PRKG1: variants seen among roughly 807,000 people sequenced by gnomAD.
PRKG1 encodes protein kinase cGMP-dependent 1, also known as cGMP-dependent protein kinase 1.
Under a neutral mutation model 88.1 loss-of-function variants are expected in PRKG1, and 35 were observed. The observed-to-expected ratio is 0.40, with a 90% CI of 0.30 to 0.53. PRKG1 has a LOEUF of 0.53. PRKG1 is among the 20% of genes least tolerant of loss of function. The probability of loss-of-function intolerance (pLI) is 0.59; values close to 1 mark genes in which losing one functional copy is unlikely to be tolerated. For missense variants in PRKG1, 540 were observed against 839.8 expected, an observed-to-expected ratio of 0.64 and a Z score of 4.41; for synonymous variants, 303 against 292.5, an observed-to-expected ratio of 1.04 and a Z score of -0.37.
intron 10 of PRKG1, among the ~76,000 whole-genome samples, chr10:52,258,278 T>C (rs1296492649): frequency 7.2e-6 from 1 of 139,232 alleles, no homozygotes; most frequent in African/African-American, 2.5e-5. Flanking sequence ...TTAAAATAAT[T>C]GGTGATAAAA....
rs186373494 is a variant in PRKG1 at position 51,622,689 on chromosome 10, A to T, written c.592+154853A>T. ...GGCCTTTTCATTAAAATTATACAGC[A>T]TTTTCCTCCCCAGACACTTATAAAC... On this transcript the variant is annotated intron_variant, in intron 3 of 17. Coordinates refer to ENST00000373980, the MANE Select transcript of PRKG1 (RefSeq NM_006258.4). 2.6e-5 allele frequency among the ~76,000 whole-genome samples: 4 copies of T among 152,246 alleles called. No homozygotes were observed. In the East Asian group the frequency reaches 7.7e-4, roughly 29 times the overall value.
At chr10:51,580,273 G>A (rs533048290) in intron 3 of PRKG1, among the ~76,000 whole-genome samples, 1 of 152,192 alleles carries the variant, frequency 6.6e-6, no homozygotes, top group East Asian at 1.9e-4. Flanking sequence ...GTACAATGCA[G>A]TTTGTTGATC....
chr10:51,106,112 A>G (rs1844826453), intron 1 of PRKG1, among the ~76,000 whole-genome samples: 1 of 152,216 alleles, frequency 6.6e-6, no homozygotes, highest in Non-Finnish European at 1.5e-5. Context: ...TAGCTGAGTT[A>G]TTTAATTCTA....
intron 1 of PRKG1, among the ~76,000 whole-genome samples, chr10:51,096,430 A>G (rs1022472916): frequency 2.0e-5 from 3 of 152,210 alleles, no homozygotes; most frequent in African/African-American, 7.2e-5. Flanking sequence ...TTAGTAGACC[A>G]TGGTGTTTTC....
chr10:52,239,606 A>G (rs1041408119), intron 9 of PRKG1, among the ~76,000 whole-genome samples: 1 of 148,274 alleles, frequency 6.7e-6, no homozygotes, highest in African/African-American at 2.5e-5. Context: ...TCAATTATTT[A>G]CCAACAATTA....
At chr10:51,277,625 T>G (rs1589305563) in intron 2 of PRKG1, among the ~76,000 whole-genome samples, 1 of 152,354 alleles carries the variant, frequency 6.6e-6, no homozygotes, top group East Asian at 1.9e-4. Context: ...GTTTGTGTCC[T>G]CTTTTATTGA....
chr10:51,017,385 T>A (rs1328028062), intron 1 of PRKG1, among the ~76,000 whole-genome samples: 2 of 152,218 alleles, frequency 1.3e-5, no homozygotes, highest in African/African-American at 4.8e-5. Context: ...ACTCCCCTTT[T>A]AGTGTACCTG....
At chr10:51,178,025 C>G (rs1837242819) in intron 2 of PRKG1, among the ~76,000 whole-genome samples, 1 of 152,024 alleles carries the variant, frequency 6.6e-6, no homozygotes, top group Non-Finnish European at 1.5e-5. Flanking sequence ...CTTGTATCAT[C>G]ATTGAGATAT....
chr10:51,448,612 A>G (rs1225968115), intron 2 of PRKG1, among the ~76,000 whole-genome samples: 1 of 152,094 alleles, frequency 6.6e-6, no homozygotes, highest in East Asian at 1.9e-4. Flanking sequence ...ACGAACAACA[A>G]GCAAAAACAG....
chr10:52,098,217 T>C (rs1181866225), intron 7 of PRKG1, among the ~76,000 whole-genome samples: 1 of 152,188 alleles, frequency 6.6e-6, no homozygotes, highest in Non-Finnish European at 1.5e-5. Flanking sequence ...ATAATTTTCA[T>C]TTCACAAAAA....
chr10:52,246,191 T>A (rs1841017010), intron 9 of PRKG1, among the ~76,000 whole-genome samples: 1 of 152,146 alleles, frequency 6.6e-6, no homozygotes, highest in African/African-American at 2.4e-5. Flanking sequence ...TTCAAGGGTA[T>A]TACATCAAGA....
At chr10:51,285,389 A>C (rs1840415289) in intron 2 of PRKG1, among the ~76,000 whole-genome samples, 1 of 152,080 alleles carries the variant, frequency 6.6e-6, no homozygotes, top group Non-Finnish European at 1.5e-5. Flanking sequence ...TCTTCTTTTT[A>C]GTGAAAAATG....
chr10:51,407,617 C>A (rs1837958184), intron 2 of PRKG1, among the ~76,000 whole-genome samples: 1 of 152,198 alleles, frequency 6.6e-6, no homozygotes, highest in Non-Finnish European at 1.5e-5. Flanking sequence ...TCTGTATTGC[C>A]TTTGCCTTCA....
At chr10:51,568,118 A>G (rs570047389) in intron 3 of PRKG1, among the ~76,000 whole-genome samples, 1 of 152,138 alleles carries the variant, frequency 6.6e-6, no homozygotes, top group Admixed American at 6.6e-5. Context: ...GAAAAAAAAA[A>G]TGCTTCACTA....
At chr10:51,480,368 G>A (rs1164864527) in intron 3 of PRKG1, among the ~76,000 whole-genome samples, 6 of 152,092 alleles carry the variant, frequency 3.9e-5, no homozygotes, top group Non-Finnish European at 5.9e-5. Flanking sequence ...ATATTCCTAC[G>A]CCTTATCTAT....
In PRKG1 at chr10:51,074,569, GC is replaced by G; in HGVS notation, c.-17del. ...AGACGCGGAGCAGCGGCAGGAAGGA[GC>G]CCCCGGCAGCCCGGAGGAGCATGGG... On this transcript the variant is annotated 5_prime_UTR_variant, in exon 1 of 18. Coordinates refer to ENST00000373980, the MANE Select transcript of PRKG1 (RefSeq NM_006258.4). 5.6e-6 allele frequency: 9 copies of G among 1,595,844 alleles called. No individual in the cohort carries two copies. Among genetic ancestry groups the G allele is most frequent in the Non-Finnish European group, 6.8e-6 (8 of 1,167,956 alleles).
At chr10:52,103,061 ATT>A (rs1211147187) in intron 7 of PRKG1, among the ~76,000 whole-genome samples, 2 of 152,140 alleles carry the variant, frequency 1.3e-5, no homozygotes, top group East Asian at 3.9e-4. Flanking sequence ...CACAAACCCT[ATT>A]TTGAACTGCA....
At chr10:51,255,908 C>T (rs772299641) in intron 2 of PRKG1, among the ~76,000 whole-genome samples, 6 of 152,022 alleles carry the variant, frequency 3.9e-5, no homozygotes, top group African/African-American at 7.2e-5. Flanking sequence ...GATAATCATC[C>T]GTCATAGCCA....
At chr10:51,224,023 A>G (rs1230529025) in intron 2 of PRKG1, among the ~76,000 whole-genome samples, 4 of 152,232 alleles carry the variant, frequency 2.6e-5, no homozygotes, top group African/African-American at 9.6e-5. Flanking sequence ...TGTGTAAAAA[A>G]GAAGCAAGCA....
Sources: gnomAD v4.1 joint callset for allele counts (sites outside exome capture counted in the v4.1 genomes callset) on GRCh38, gnomAD v4.1.1 for gene constraint, MANE v1.5 for transcripts, NCBI Gene and HGNC (gene_info 2026-07-23, HGNC 2026-07-21) for gene names.